SENP6: variants seen among roughly 807,000 people sequenced by gnomAD.
The protein encoded by SENP6 is sentrin-specific protease 6.
A neutral mutation model predicts 134.5 loss-of-function variants in SENP6; 41 were observed. The ratio of observed to expected loss-of-function variants is 0.30; its 90% confidence interval spans 0.24 to 0.40. SENP6 has a LOEUF of 0.40. Among genes scored for constraint, SENP6 ranks in the 10% least tolerant of loss-of-function variants. SENP6 has a pLI of 1.00. For synonymous variants in SENP6, 395 were observed against 429.8 expected (o/e 0.92, Z 1.00); for missense variants, 1,248 against 1,312.5 (o/e 0.95, Z 0.76).
Position 75,717,800 on chromosome 6 carries a change from T to A in SENP6, c.*2206T>A, listed in dbSNP as rs766439427. Reference sequence around the variant, plus strand: ...GTATCTGGTGTCTTAACTAATTAGATAGATCTGTTGTATTGGTTTTCTTGT... The same window carrying A: ...GTATCTGGTGTCTTAACTAATTAGAAAGATCTGTTGTATTGGTTTTCTTGT... On this transcript the variant is annotated 3_prime_UTR_variant, in exon 24 of 24. Transcript: ENST00000447266. 6.6e-6 allele frequency: 1 copy of A among 150,872 alleles called. No homozygotes were observed. Among genetic ancestry groups the A allele is most frequent in the South Asian group, 2.1e-4 (1 of 4,806 alleles). The allele number at this position is 150,872 out of a possible 1,614,324, so 9.3% of individuals were successfully genotyped here.
At chr6:75,693,609 A>T (rs1001716308) in intron 16 of SENP6, among the ~76,000 whole-genome samples, 1 of 152,180 alleles carries the variant, frequency 6.6e-6, no homozygotes, top group African/African-American at 2.4e-5. Context: ...TATCTTCTGT[A>T]GGGGCACACT....
intron 10 of SENP6, among the ~76,000 whole-genome samples, chr6:75,668,575 A>G (rs772984093): frequency 6.6e-6 from 1 of 152,222 alleles, no homozygotes; most frequent in Non-Finnish European, 1.5e-5. Context: ...ATTTAAAACT[A>G]TGATATTGTC....
At chr6:75,652,616 C>T (rs1393933365) in intron 7 of SENP6, among the ~76,000 whole-genome samples, 3 of 135,620 alleles carry the variant, frequency 2.2e-5, no homozygotes, top group East Asian at 2.1e-4. Context: ...GCAGGTGGAT[C>T]GCTTGAGGTC....
At chr6:75,615,035 C>T (rs1258645116) in intron 1 of SENP6, among the ~76,000 whole-genome samples, 1 of 152,088 alleles carries the variant, frequency 6.6e-6, no homozygotes, top group East Asian at 1.9e-4. Flanking sequence ...GGATTACAAG[C>T]ATGCACCACC....
Position 75,717,691 on chromosome 6 carries a change from C to G in SENP6, c.*2097C>G, listed in dbSNP as rs1424988069. 1 of 152,008 alleles carries G rather than the reference C, an allele frequency of 6.6e-6. No individual in the cohort carries two copies. The highest frequency in any genetic ancestry group is 3.2e-3 in the Middle Eastern group (1 of 316). The allele number at this position is 152,008 out of a possible 1,614,324, so 9.4% of individuals were successfully genotyped here. A position where few individuals can be genotyped will look rare whatever the true frequency, so the allele number is the denominator to read the frequency against. On this transcript the variant is annotated 3_prime_UTR_variant, in exon 24 of 24. Transcript: ENST00000447266. Reference sequence around the variant, plus strand: ...TATGTAGTTTAAAGTGGGATCAAGCCTTTTAAAATGTGTTATTAGTACTTA... The same window carrying G: ...TATGTAGTTTAAAGTGGGATCAAGCGTTTTAAAATGTGTTATTAGTACTTA...
At position 75,658,823 on chromosome 6, in the gene SENP6, T is replaced by C. The variant is rs1771539556; in HGVS notation, c.551-439T>C. On this transcript the variant is annotated intron_variant, in intron 7 of 23. Coordinates refer to ENST00000447266, the MANE Select transcript of SENP6 (RefSeq NM_015571.4). The stretch of plus-strand genomic sequence containing the variant: ...CCTGTCTCTACAAATAATAAAAAAA[T>C]TAGCTGAGTGTGGTGGCACGTACCT... 2.0e-5 allele frequency among the ~76,000 whole-genome samples: 3 copies of C among 151,614 alleles called. No individual in the cohort carries two copies. In the South Asian group the frequency reaches 6.2e-4, roughly 32 times the overall value.
At chr6:75,649,070 G>A (rs1282197332) in intron 7 of SENP6, among the ~76,000 whole-genome samples, 1 of 151,998 alleles carries the variant, frequency 6.6e-6, no homozygotes, top group Non-Finnish European at 1.5e-5. Context: ...ACTTTACGAT[G>A]TCGATGCAGG....
intron 5 of SENP6, among the ~76,000 whole-genome samples, chr6:75,638,386 G>A (rs1300527145): frequency 2.0e-5 from 3 of 149,514 alleles, no homozygotes; most frequent in Non-Finnish European, 4.4e-5. Flanking sequence ...ACTTTTCCCC[G>A]GTTTTATGTT....
chr6:75,671,614 C>T (rs553134975), intron 11 of SENP6, among the ~76,000 whole-genome samples: 2 of 152,078 alleles, frequency 1.3e-5, no homozygotes, highest in East Asian at 1.9e-4. Flanking sequence ...CCCAGCTGCT[C>T]GGGAGGCTGA....
Position 75,670,556 on chromosome 6 carries a change from G to T in SENP6, c.1228G>T (p.Gly410Cys). The T allele has an allele frequency of 6.3e-7, 1 of 1,594,762 alleles. No homozygotes were observed. The highest frequency in any genetic ancestry group is 8.5e-7 in the Non-Finnish European group (1 of 1,169,632). ...AACATTTTCTTTTCCTTTTTAGTTT[G>T]GCAATTCTATTATCAACACACCTCT... ...PRKARMKDQF[G>C]NSIINTPLKR... Residue 410 changes from glycine (G) to cysteine (C), a missense_variant, in exon 11 of 24, where the codon GGC (glycine) becomes TGC (cysteine). Coordinates refer to ENST00000447266, the MANE Select transcript of SENP6 (RefSeq NM_015571.4).
At chr6:75,637,728 A>G (rs1431122390) in intron 5 of SENP6, among the ~76,000 whole-genome samples, 1 of 152,106 alleles carries the variant, frequency 6.6e-6, no homozygotes, top group Non-Finnish European at 1.5e-5. Context: ...TATCATCTTT[A>G]TCTTTTAAGT....
chr6:75,704,249 C>T (rs758520985), intron 19 of SENP6, among the ~76,000 whole-genome samples: 3 of 152,124 alleles, frequency 2.0e-5, no homozygotes, highest in Non-Finnish European at 4.4e-5. Flanking sequence ...TGAGTTCTCT[C>T]TGTTTTGGTT....
At chr6:75,606,278 A>G (rs1212824958) in intron 1 of SENP6, among the ~76,000 whole-genome samples, 2 of 152,180 alleles carry the variant, frequency 1.3e-5, no homozygotes, top group Non-Finnish European at 2.9e-5. Flanking sequence ...CTAAAATTGT[A>G]TGGATTTCAT....
At chr6:75,626,802 A>C (rs1487513651) in intron 3 of SENP6, among the ~76,000 whole-genome samples, 1 of 152,204 alleles carries the variant, frequency 6.6e-6, no homozygotes, top group Admixed American at 6.5e-5. Flanking sequence ...ATATGTAGTC[A>C]TACTTGAATT....
chr6:75,628,832 G>A (rs148411084), intron 3 of SENP6, among the ~76,000 whole-genome samples: 4,946 of 151,994 alleles, frequency 0.033, 282 homozygotes, highest in African/African-American at 0.11. Flanking sequence ...CGATCCTACC[G>A]CCTCAGCCTC....
At chr6:75,638,229 T>A (rs1010409870) in intron 5 of SENP6, among the ~76,000 whole-genome samples, 1 of 128,688 alleles carries the variant, frequency 7.8e-6, no homozygotes, top group Non-Finnish European at 1.6e-5. Context: ...TTAGTCTTTT[T>A]CCCTTTTCTT....
chr6:75,627,729 G>C (rs1379860151), intron 3 of SENP6, among the ~76,000 whole-genome samples: 2 of 152,132 alleles, frequency 1.3e-5, no homozygotes, highest in African/African-American at 4.8e-5. Flanking sequence ...AGGCCAGAGG[G>C]CAGTGGTGTG....
chr6:75,611,656 T>G (rs761915246), intron 1 of SENP6: 2 of 152,250 alleles, frequency 1.3e-5, no homozygotes, highest in Non-Finnish European at 2.9e-5. Context: ...AATTTCTGGC[T>G]TTAGAAGTTT....
chr6:75,602,704 G>A, intron 1 of SENP6, 128 bp downstream of exon 1: 1 of 951,908 alleles, frequency 1.1e-6, no homozygotes, highest in Non-Finnish European at 1.6e-6. Flanking sequence ...AGGGATGAGC[G>A]ATGACGGGGA....
Sources: gnomAD v4.1 joint callset for allele counts (sites outside exome capture counted in the v4.1 genomes callset) on GRCh38, gnomAD v4.1.1 for gene constraint, MANE v1.5 for transcripts, NCBI Gene and HGNC (gene_info 2026-07-23, HGNC 2026-07-21) for gene names.